The following MCU variants were observed in gnomAD, a reference collection of about 807,000 sequenced individuals.
MCU encodes calcium uniporter protein, mitochondrial.
In MCU, 12 loss-of-function variants were observed where a neutral mutation model predicts 45.2. The ratio of observed to expected loss-of-function variants is 0.27; its 90% confidence interval spans 0.17 to 0.43. The LOEUF (loss-of-function observed/expected upper bound fraction) is 0.43. Among genes scored for constraint, MCU ranks in the 20% least tolerant of loss-of-function variants. MCU has a pLI of 1.00. For missense variants in MCU, 324 were observed against 436.7 expected (o/e 0.74, Z 2.30); for synonymous variants, 160 against 165.1 (o/e 0.97, Z 0.24).
chr10:72,854,049 G>A lies in MCU; in HGVS notation c.221-5128G>A, dbSNP rs148346341. ...TTGGGGAGGCTGAGGCAGGAGAATC[G>A]CTTGAAGGTGGTGAAGGCTACAGTG... On this transcript the variant is annotated intron_variant, in intron 2 of 7. Coordinates refer to ENST00000373053, the MANE Select transcript of MCU (RefSeq NM_138357.3). Among the ~76,000 whole-genome samples, 1,112 of 152,128 alleles carry A rather than the reference G, an allele frequency of 7.3e-3. 20 individuals carry two copies. Among genetic ancestry groups the A allele is most frequent in the African/African-American group, 0.025 (1,039 of 41,488 alleles).
At chr10:72,782,130 A>G (rs1844003954) in intron 1 of MCU, among the ~76,000 whole-genome samples, 1 of 152,124 alleles carries the variant, frequency 6.6e-6, no homozygotes, top group African/African-American at 2.4e-5. Flanking sequence ...GATGAGAGGA[A>G]CACAGCAATT....
chr10:72,755,146 ATTTTT>A, intron 1 of MCU, among the ~76,000 whole-genome samples: 1 of 123,678 alleles, frequency 8.1e-6, no homozygotes, highest in African/African-American at 3.1e-5. Flanking sequence ...TGAACCTGAG[ATTTTT>A]TTTTTTTTTT....
chr10:72,789,953 C>T (rs1196904438), intron 1 of MCU, among the ~76,000 whole-genome samples: 1 of 152,162 alleles, frequency 6.6e-6, no homozygotes, highest in Non-Finnish European at 1.5e-5. Flanking sequence ...TAATCAAAGA[C>T]CTTCAAAAGG....
At chr10:72,761,939 G>C (rs1276321560) in intron 1 of MCU, among the ~76,000 whole-genome samples, 1 of 152,008 alleles carries the variant, frequency 6.6e-6, no homozygotes, top group Admixed American at 6.6e-5. Flanking sequence ...ATTTAGGAAC[G>C]TATTTTTAGT....
chr10:72,697,939 AT>A (rs1275987113), intron 1 of MCU, among the ~76,000 whole-genome samples: 2 of 133,270 alleles, frequency 1.5e-5, no homozygotes, highest in African/African-American at 4.9e-5. Flanking sequence ...TGCCTAGCTC[AT>A]AAAAAGAATT....
chr10:72,745,936 CA>C (rs1843409413), intron 1 of MCU, among the ~76,000 whole-genome samples: 1 of 152,018 alleles, frequency 6.6e-6, no homozygotes. Context: ...AGTTGTGAAC[CA>C]TTACCACTAT....
chr10:72,743,626 A>G (rs1465108923), intron 1 of MCU, among the ~76,000 whole-genome samples: 1 of 152,116 alleles, frequency 6.6e-6, no homozygotes. Flanking sequence ...CTACTTCTAG[A>G]AGCTTGTGCA....
intron 2 of MCU, among the ~76,000 whole-genome samples, chr10:72,853,049 A>G (rs1391442602): frequency 6.6e-6 from 1 of 152,204 alleles, no homozygotes; most frequent in Non-Finnish European, 1.5e-5. Context: ...GGGCCAAACT[A>G]ACATGCAACT....
At chr10:72,863,256 A>T (rs563964404) in intron 4 of MCU, among the ~76,000 whole-genome samples, 1 of 152,324 alleles carries the variant, frequency 6.6e-6, no homozygotes, top group African/African-American at 2.4e-5. Context: ...AAAAATGATT[A>T]ATCTCTTCTC....
chr10:72,743,135 G>A (rs942519897), intron 1 of MCU, among the ~76,000 whole-genome samples: 7 of 152,032 alleles, frequency 4.6e-5, no homozygotes, highest in South Asian at 2.1e-4. Context: ...TGGGCTGGGC[G>A]TGGTGGCTCA....
At position 72,886,081 on chromosome 10, in the gene MCU, T is replaced by A; in HGVS notation, c.*259T>A. On this transcript the variant is annotated 3_prime_UTR_variant, in exon 8 of 8. Coordinates refer to ENST00000373053, the MANE Select transcript of MCU (RefSeq NM_138357.3). ...TTTCTGGATGAAAATGATGCAGTTA[T>A]ATAGTTGAGAGATTCATAAAGAGAA... is the stretch of plus-strand genomic sequence containing the variant. 2.7e-6 allele frequency: 1 copy of A among 372,246 alleles called. No homozygotes were observed. Among genetic ancestry groups the A allele is most frequent in the East Asian group, 5.0e-5 (1 of 20,072 alleles). The allele number at this position is 372,246 out of a possible 1,614,324, so 23.1% of individuals were successfully genotyped here. A position where few individuals can be genotyped will look rare whatever the true frequency, so the allele number is the denominator to read the frequency against.
intron 1 of MCU, among the ~76,000 whole-genome samples, chr10:72,757,543 T>C (rs1843595817): frequency 1.3e-5 from 2 of 152,114 alleles, no homozygotes; most frequent in Admixed American, 1.3e-4. Flanking sequence ...AATATAAAAG[T>C]AGTTTTTTAA....
intron 6 of MCU, among the ~76,000 whole-genome samples, chr10:72,877,162 C>T (rs902678190): frequency 6.6e-6 from 1 of 152,112 alleles, no homozygotes; most frequent in African/African-American, 2.4e-5. Context: ...CTCCAGTGAT[C>T]CTCCGCCTCA....
chr10:72,766,017 C>G (rs916660617), intron 1 of MCU, among the ~76,000 whole-genome samples: 1 of 151,988 alleles, frequency 6.6e-6, no homozygotes, highest in Non-Finnish European at 1.5e-5. Context: ...CAGGCATGTG[C>G]CACCACACCC....
intron 6 of MCU, 116 bp from the exon 7 acceptor site, chr10:72,884,147 TAAC>T: frequency 3.0e-6 from 2 of 664,658 alleles, no homozygotes; most frequent in Non-Finnish European, 5.4e-6. Flanking sequence ...ATTAAATACT[TAAC>T]ACAGCACATG....
intron 2 of MCU, among the ~76,000 whole-genome samples, chr10:72,845,036 A>AC (rs1174143538): frequency 6.6e-6 from 1 of 152,214 alleles, no homozygotes; most frequent in African/African-American, 2.4e-5. Flanking sequence ...GGCATGTGGT[A>AC]CCTAAGCACA....
At chr10:72,710,847 T>C (rs891522413) in intron 1 of MCU, among the ~76,000 whole-genome samples, 15 of 152,096 alleles carry the variant, frequency 9.9e-5, no homozygotes, top group Non-Finnish European at 2.1e-4. Flanking sequence ...ACCTATCTTA[T>C]ATAGTTTTGT....
chr10:72,699,322 T>C (rs1564531917), intron 1 of MCU, among the ~76,000 whole-genome samples: 2 of 151,944 alleles, frequency 1.3e-5, no homozygotes, highest in Admixed American at 6.6e-5. Context: ...CTGACTAATA[T>C]GGTGAAACCC....
intron 1 of MCU, among the ~76,000 whole-genome samples, chr10:72,794,791 G>T (rs1248030104): frequency 1.3e-5 from 2 of 152,130 alleles, no homozygotes; most frequent in Non-Finnish European, 2.9e-5. Flanking sequence ...GAGAGTATCT[G>T]TGAGGCCTGC....
Sources: allele counts gnomAD v4.1 joint callset (sites outside exome capture counted in the v4.1 genomes callset), GRCh38; gene constraint gnomAD v4.1.1; transcripts MANE v1.5; gene names NCBI Gene and HGNC (gene_info 2026-07-23, HGNC 2026-07-21).